The following FOXN3 variants were observed in gnomAD, a reference collection of about 807,000 sequenced individuals.
The protein encoded by FOXN3 is forkhead box N3, also known as forkhead box protein N3.
FOXN3 carries 7 observed loss-of-function variants against 38.4 expected under a neutral mutation model. The observed-to-expected ratio is 0.18, with a 90% CI of 0.10 to 0.34. The LOEUF is 0.34. FOXN3 is among the 10% of genes least tolerant of loss of function. The probability of loss-of-function intolerance (pLI) is 1.00; values close to 1 mark genes in which losing one functional copy is unlikely to be tolerated. For missense variants in FOXN3, 456 were observed against 613.4 expected (o/e 0.74, Z 2.71); for synonymous variants, 230 against 242.2 (o/e 0.95, Z 0.47).
At chr14:89,510,682 C>T (rs1272157972) in intron 1 of FOXN3, among the ~76,000 whole-genome samples, 2 of 152,148 alleles carry the variant, frequency 1.3e-5, no homozygotes, top group African/African-American at 4.8e-5. Flanking sequence ...GTGGCTCACA[C>T]CGTAATCCCG....
intron 1 of FOXN3, among the ~76,000 whole-genome samples, chr14:89,606,353 C>T (rs1163678999): frequency 1.3e-5 from 2 of 151,642 alleles, no homozygotes; most frequent in Non-Finnish European, 2.9e-5. Flanking sequence ...TAGTCTTATA[C>T]AGACTATGCC....
chr14:89,536,373 A>G (rs923139599), intron 1 of FOXN3, among the ~76,000 whole-genome samples: 6 of 152,230 alleles, frequency 3.9e-5, no homozygotes, highest in African/African-American at 1.4e-4. Context: ...GTGAGTACAC[A>G]CTAGCTATTT....
chr14:89,541,185 C>A (rs17126017), intron 1 of FOXN3, among the ~76,000 whole-genome samples: 3,114 of 152,208 alleles, frequency 0.02, 103 homozygotes, highest in African/African-American at 0.071. Flanking sequence ...CTTCCTGGTT[C>A]AATTCAAACA....
At chr14:89,443,514 C>T (rs894786016) in intron 1 of FOXN3, among the ~76,000 whole-genome samples, 3 of 151,952 alleles carry the variant, frequency 2.0e-5, no homozygotes, top group African/African-American at 7.3e-5. Flanking sequence ...AGGAAAAATA[C>T]AAATAGTGCC....
intron 3 of FOXN3, among the ~76,000 whole-genome samples, chr14:89,305,035 T>C (rs1473948459): frequency 2.0e-5 from 3 of 152,114 alleles, no homozygotes; most frequent in African/African-American, 7.2e-5. Context: ...TCACACTATA[T>C]TTGCTTATGA....
chr14:89,234,127 T>C (rs1884907641), intron 4 of FOXN3, among the ~76,000 whole-genome samples: 1 of 152,128 alleles, frequency 6.6e-6, no homozygotes, highest in Admixed American at 6.5e-5. Flanking sequence ...TCTAAACTGC[T>C]CTGAAAGACT....
intron 1 of FOXN3, among the ~76,000 whole-genome samples, chr14:89,477,010 C>CAA (rs5810466): frequency 6.6e-6 from 1 of 151,818 alleles, no homozygotes. Flanking sequence ...AATAAAATTT[C>CAA]AAAAATAGTT....
intron 3 of FOXN3, among the ~76,000 whole-genome samples, chr14:89,304,197 T>G (rs746311392): frequency 6.6e-6 from 1 of 152,218 alleles, no homozygotes; most frequent in Non-Finnish European, 1.5e-5. Context: ...CGTGTTTACA[T>G]GATGCTGAAG....
intron 3 of FOXN3, among the ~76,000 whole-genome samples, chr14:89,283,204 C>T (rs1332523196): frequency 6.6e-6 from 1 of 152,192 alleles, no homozygotes; most frequent in African/African-American, 2.4e-5. Flanking sequence ...GTTAGAAGAT[C>T]CGAGGATTTA....
At chr14:89,181,502 C>A (rs1315745902) in intron 4 of FOXN3, among the ~76,000 whole-genome samples, 1 of 152,242 alleles carries the variant, frequency 6.6e-6, no homozygotes, top group Non-Finnish European at 1.5e-5. Context: ...TTCATCCCCC[C>A]AGGCGATCCT....
chr14:89,239,745 T>C (rs556286304), intron 4 of FOXN3, among the ~76,000 whole-genome samples: 4 of 152,366 alleles, frequency 2.6e-5, no homozygotes, highest in East Asian at 1.9e-4. Flanking sequence ...ATGATACTAA[T>C]ATTAGAAGCT....
At chr14:89,525,061 A>G (rs191982726) in intron 1 of FOXN3, among the ~76,000 whole-genome samples, 2 of 152,196 alleles carry the variant, frequency 1.3e-5, no homozygotes, top group East Asian at 3.9e-4. Flanking sequence ...CTCTTATAAA[A>G]GCGCGGGGCT....
intron 4 of FOXN3, among the ~76,000 whole-genome samples, chr14:89,264,327 G>A (rs571035121): frequency 6.6e-6 from 1 of 152,228 alleles, no homozygotes; most frequent in East Asian, 1.9e-4. Context: ...GGCAGCAGAC[G>A]AGAGAGAAAT....
intron 4 of FOXN3, among the ~76,000 whole-genome samples, chr14:89,218,402 T>G (rs889866954): frequency 8.5e-5 from 13 of 152,238 alleles, no homozygotes; most frequent in African/African-American, 3.1e-4. Flanking sequence ...TCCCTTGCCT[T>G]TTCCCTAAAG....
chr14:89,165,857 A>C (rs1178720359), intron 5 of FOXN3, among the ~76,000 whole-genome samples: 1 of 152,262 alleles, frequency 6.6e-6, no homozygotes, highest in Non-Finnish European at 1.5e-5. Context: ...ATCTAAGTAT[A>C]CTTGAAAGAG....
At chr14:89,449,425 G>A (rs1229862534) in intron 1 of FOXN3, among the ~76,000 whole-genome samples, 2 of 151,988 alleles carry the variant, frequency 1.3e-5, no homozygotes, top group African/African-American at 2.4e-5. Context: ...CTCAAACCCC[G>A]AGTCTCCAGT....
At chr14:89,345,395 A>T (rs891459047) in intron 3 of FOXN3, among the ~76,000 whole-genome samples, 2 of 151,996 alleles carry the variant, frequency 1.3e-5, no homozygotes, top group African/African-American at 4.8e-5. Context: ...CAAAGATAGC[A>T]CAGAAAGCTC....
chr14:89,613,719 C>T (rs567561751), intron 1 of FOXN3, among the ~76,000 whole-genome samples: 2 of 152,136 alleles, frequency 1.3e-5, no homozygotes, highest in Non-Finnish European at 2.9e-5. Context: ...GTAGTAGAAA[C>T]ATGGCAAGCA....
chr14:89,337,675 G>A (rs977691635), intron 3 of FOXN3, among the ~76,000 whole-genome samples: 25 of 147,942 alleles, frequency 1.7e-4, no homozygotes, highest in African/African-American at 5.7e-4. Flanking sequence ...CTGTCACCAG[G>A]CTAGAGTGCA....
Sources: allele counts gnomAD v4.1 joint callset (sites outside exome capture counted in the v4.1 genomes callset), GRCh38; gene constraint gnomAD v4.1.1; transcripts MANE v1.5; gene names NCBI Gene and HGNC (gene_info 2026-07-23, HGNC 2026-07-21).